GUK1: variants seen among roughly 807,000 people sequenced by gnomAD.
GUK1 encodes guanylate kinase 1, also known as guanylate kinase.
GUK1 carries 18 observed loss-of-function variants against 25.2 expected under a neutral mutation model. That is an observed-to-expected ratio of 0.71 (90% CI 0.49 to 1.06). The LOEUF is 1.06. Among genes scored for constraint, GUK1 ranks in the 50% least tolerant of loss-of-function variants. GUK1 has a pLI of 0.00. For missense variants in GUK1, 261 were observed against 276.7 expected (o/e 0.94, Z 0.40); for synonymous variants, 105 against 117.6 (o/e 0.89, Z 0.69).
chr1:228,141,250 C>T lies in GUK1; in HGVS notation c.-41C>T. On this transcript the variant is annotated 5_prime_UTR_variant, in exon 2 of 9. Coordinates refer to ENST00000312726, the MANE Select transcript of GUK1 (RefSeq NM_000858.7). ...GCATCGTGAAGGGCTGGGGCCTTCA[C>T]TCCTCTGTGGCTCTGGAAGAGCCCG... The T allele has an allele frequency of 1.0e-6, 1 of 985,066 alleles. No individual in the cohort carries two copies. The highest frequency in any genetic ancestry group is 1.2e-6 in the Non-Finnish European group (1 of 829,498). 61.0% of individuals were successfully genotyped at this position (985,066 alleles called of 1,614,324 possible). A position where few individuals can be genotyped will look rare whatever the true frequency, so the allele number is the denominator to read the frequency against.
At chr1:228,148,252 G>C (rs2124955778) in intron 7 of GUK1, 119 bp from the exon 7 acceptor site, 1 of 788,500 alleles carries the variant, frequency 1.3e-6, no homozygotes, top group South Asian at 1.4e-5. Context: ...GGGCTGGAAA[G>C]CTGTCCCACA....
intron 8 of GUK1, 47 bp downstream of exon 7, chr1:228,148,503 TG>T (rs1285892603): frequency 2.0e-6 from 3 of 1,481,548 alleles, no homozygotes; most frequent in Non-Finnish European, 2.8e-6. Flanking sequence ...AGGGGAGGCC[TG>T]GGGGCCAGGC....
rs376299931 is a variant in GUK1 at position 228,141,141 on chromosome 1, C to T, written c.-150C>T. ...TGTCTCAGGCTTGCTCTGCTCTTTACCTGGGGTTGCTGTCGAGGACCCTGT... is the reference window on the plus strand; with the variant it reads ...TGTCTCAGGCTTGCTCTGCTCTTTATCTGGGGTTGCTGTCGAGGACCCTGT... On this transcript the variant is annotated 5_prime_UTR_variant, in exon 2 of 9. Transcript: ENST00000312726. The T allele has an allele frequency of 8.1e-6, 8 of 985,668 alleles. No individual in the cohort carries two copies. Among genetic ancestry groups the T allele is most frequent in the East Asian group, 2.3e-4 (2 of 8,816 alleles). The allele number at this position is 985,668 out of a possible 1,614,324, so 61.1% of individuals were successfully genotyped here.
intron 8 of GUK1, 33 bp from the exon 8 acceptor site, chr1:228,148,632 G>A: frequency 6.4e-7 from 1 of 1,570,550 alleles, no homozygotes; most frequent in Non-Finnish European, 8.7e-7. Flanking sequence ...CTGGATACCA[G>A]CCCTCCCAAC....
chr1:228,146,353 C>A (rs559378555), intron 4 of GUK1: 2 of 518,288 alleles, frequency 3.9e-6, no homozygotes, highest in Non-Finnish European at 6.9e-6. Context: ...GTCCTGGACT[C>A]GGCACTTATC....
Position 228,140,827 on chromosome 1 carries a change from G to A in GUK1, c.-167-297G>A, listed in dbSNP as rs541826635. ...CTACTCCGCGGCACGGCGCAGAGAC[G>A]GGGACTTGGGGAAACAGCAGGCCTT... is the stretch of plus-strand genomic sequence containing the variant. On this transcript the variant is annotated intron_variant, in intron 1 of 8. Coordinates refer to ENST00000312726, the MANE Select transcript of GUK1 (RefSeq NM_000858.7). 3.3e-3 allele frequency among the ~76,000 whole-genome samples: 498 copies of A among 152,356 alleles called. 1 individual carries two copies. Among genetic ancestry groups the A allele is most frequent in the African/African-American group, 0.012 (485 of 41,586 alleles).
chr1:228,144,138 A>C (rs770126244), intron 2 of GUK1, among the ~76,000 whole-genome samples: 3 of 152,070 alleles, frequency 2.0e-5, no homozygotes, highest in African/African-American at 7.2e-5. Flanking sequence ...CACATCCTGC[A>C]TACCTTTGTG....
chr1:228,145,849 C>A (rs2034338527), intron 3 of GUK1, 177 bp from the exon 3 acceptor site: 2 of 700,222 alleles, frequency 2.9e-6, no homozygotes, highest in Non-Finnish European at 5.0e-6. Context: ...GATAACTGGG[C>A]CACAGTGTTT....
Position 228,146,903 on chromosome 1 carries a change from G to A in GUK1, c.216G>A (p.Glu72=). 1.2e-6 allele frequency: 2 copies of A among 1,613,836 alleles called. No individual in the cohort carries two copies. The highest frequency in any genetic ancestry group is 1.7e-6 in the Non-Finnish European group (2 of 1,179,710). Residue 72 remains glutamate, a synonymous_variant, in exon 5 of 9, where the codon GAG becomes GAA. Coordinates refer to ENST00000312726, the MANE Select transcript of GUK1 (RefSeq NM_000858.7). ...ACATAGCAGCCGGCGACTTCATCGA[G>A]CATGCCGAGTTCTCGGGGAACCTGT...
chr1:228,145,731 G>T (rs1236459114), intron 3 of GUK1, 107 bp downstream of exon 2: 1 of 1,354,444 alleles, frequency 7.4e-7, no homozygotes, highest in Non-Finnish European at 1.0e-6. Context: ...CACCCACCCT[G>T]CAGACTGTCC....
chr1:228,148,174 G>A (rs1476930623), intron 7 of GUK1, 197 bp from the exon 7 acceptor site: 7 of 674,604 alleles, frequency 1.0e-5, no homozygotes, highest in Non-Finnish European at 2.0e-5. Flanking sequence ...GCTCCAGAGA[G>A]AGCAGGAGTG....
chr1:228,141,931 G>A, intron 2 of GUK1: 1 of 376,246 alleles, frequency 2.7e-6, no homozygotes, highest in Non-Finnish European at 4.2e-6. Flanking sequence ...TTGCTGGAAT[G>A]CTTCCCTCTG....
At chr1:228,142,741 C>T (rs1308087304) in intron 2 of GUK1, among the ~76,000 whole-genome samples, 2 of 152,076 alleles carry the variant, frequency 1.3e-5, no homozygotes, top group African/African-American at 4.8e-5. Flanking sequence ...CAGCACCCCC[C>T]ATTCCTGGGA....
At chr1:228,142,879 T>C (rs905661658) in intron 2 of GUK1, among the ~76,000 whole-genome samples, 10 of 151,670 alleles carry the variant, frequency 6.6e-5, no homozygotes, top group African/African-American at 2.4e-4. Context: ...CTCTCCCCCT[T>C]CTGAGGACGC....
intron 2 of GUK1, 160 bp from the exon 2 acceptor site, chr1:228,145,351 C>T: frequency 2.8e-6 from 2 of 707,718 alleles, no homozygotes; most frequent in Non-Finnish European, 4.4e-6. Context: ...CGTGGCAGAG[C>T]TCAGGGGGAA....
At chr1:228,145,920 G>C (rs2034341913) in intron 3 of GUK1, 106 bp from the exon 3 acceptor site, 1 of 867,426 alleles carries the variant, frequency 1.2e-6, no homozygotes, top group South Asian at 1.4e-5. Context: ...TGCTTCACTG[G>C]CTGCCTGCAT....
intron 2 of GUK1, chr1:228,145,306 T>A: frequency 2.2e-6 from 1 of 459,454 alleles, no homozygotes; most frequent in East Asian, 3.7e-5. Context: ...CAGAGCCTGG[T>A]CTGAGGGCCG....
chr1:228,144,770 G>A (rs949571079), intron 2 of GUK1: 3 of 977,146 alleles, frequency 3.1e-6, no homozygotes, highest in South Asian at 9.5e-5. Flanking sequence ...CTGTTCTTGG[G>A]GAGGATTCCC....
chr1:228,147,432 C>T lies in GUK1; in HGVS notation c.278C>T (p.Ala93Val). The change falls in exon 6 of 9, where the codon GCC (alanine) becomes GTC (valine). Residue 93 changes from alanine (A) to valine (V), a missense_variant. By Grantham distance (64) the Ala-to-Val change is moderately conservative. Transcript: ENST00000312726. The stretch of plus-strand genomic sequence containing the variant: ...AAGGTGGCGGTGCAGGCCGTGCAGG[C>T]CATGAACCGCATCTGTGTGCTGGAC... The T allele has an allele frequency of 1.2e-6, 2 of 1,612,368 alleles. No homozygotes were observed. Among genetic ancestry groups the T allele is most frequent in the Non-Finnish European group, 1.7e-6 (2 of 1,179,762 alleles).
Sources: gnomAD v4.1 joint callset for allele counts (sites outside exome capture counted in the v4.1 genomes callset) on GRCh38, gnomAD v4.1.1 for gene constraint, MANE v1.5 for transcripts, NCBI Gene and HGNC (gene_info 2026-07-23, HGNC 2026-07-21) for gene names.